The following CNTNAP2 variants were observed in gnomAD, a reference collection of about 807,000 sequenced individuals.
The protein encoded by CNTNAP2 is contactin associated protein 2, also known as contactin-associated protein-like 2.
A neutral mutation model predicts 155.2 loss-of-function variants in CNTNAP2; 98 were observed. The ratio of observed to expected loss-of-function variants is 0.63; its 90% CI spans 0.54 to 0.75. The LOEUF (loss-of-function observed/expected upper bound fraction) is 0.75, where lower values mean the gene tolerates loss of function less well. CNTNAP2 is among the 30% of genes least tolerant of loss of function. The probability of loss-of-function intolerance (pLI) is 0.00; values close to 1 mark genes in which losing one functional copy is unlikely to be tolerated. For synonymous variants in CNTNAP2, 651 were observed against 631.2 expected (o/e 1.03, Z -0.47); for missense variants, 1,727 against 1,688.1 (o/e 1.02, Z -0.40).
intron 1 of CNTNAP2, among the ~76,000 whole-genome samples, chr7:146,337,530 C>T (rs1801297870): frequency 6.6e-6 from 1 of 152,350 alleles, no homozygotes; most frequent in South Asian, 2.1e-4. Context: ...ATGAACACAG[C>T]TCACTGCAAC....
At chr7:146,773,649 C>A (rs1290145736) in intron 1 of CNTNAP2, among the ~76,000 whole-genome samples, 2 of 152,324 alleles carry the variant, frequency 1.3e-5, no homozygotes, top group African/African-American at 2.4e-5. Flanking sequence ...CCGCCTTGGC[C>A]TCCCAAAGTG....
At chr7:147,721,311 T>C (rs1314603145) in intron 13 of CNTNAP2, among the ~76,000 whole-genome samples, 2 of 152,112 alleles carry the variant, frequency 1.3e-5, no homozygotes, top group Non-Finnish European at 2.9e-5. Context: ...GTTTTTGGTT[T>C]TGGACTTGGT....
intron 3 of CNTNAP2, among the ~76,000 whole-genome samples, chr7:146,891,017 G>C (rs1231961840): frequency 6.6e-6 from 1 of 152,124 alleles, no homozygotes; most frequent in Admixed American, 6.6e-5. Flanking sequence ...ATTGGATAAT[G>C]AAAATGTGAT....
intron 3 of CNTNAP2, among the ~76,000 whole-genome samples, chr7:147,010,463 T>C (rs1203612123): frequency 1.3e-5 from 2 of 152,144 alleles, no homozygotes; most frequent in African/African-American, 4.8e-5. Flanking sequence ...GACACGTATA[T>C]ATGAATCTAA....
intron 8 of CNTNAP2, among the ~76,000 whole-genome samples, chr7:147,182,763 G>A (rs1328510294): frequency 1.3e-5 from 2 of 151,822 alleles, no homozygotes; most frequent in Non-Finnish European, 2.9e-5. Context: ...AATTTAATAA[G>A]CCATTTTACT....
At chr7:148,375,670 A>T (rs765444027) in intron 21 of CNTNAP2, among the ~76,000 whole-genome samples, 1 of 151,662 alleles carries the variant, frequency 6.6e-6, no homozygotes, top group South Asian at 2.1e-4. Flanking sequence ...TTACAACTAT[A>T]TTCTAAGATT....
At chr7:147,685,284 T>C (rs1370137044) in intron 13 of CNTNAP2, among the ~76,000 whole-genome samples, 3 of 152,010 alleles carry the variant, frequency 2.0e-5, no homozygotes, top group Non-Finnish European at 4.4e-5. Flanking sequence ...AGAATATCCT[T>C]TGAATTCTAA....
chr7:147,928,121 CT>C (rs1469456892), intron 14 of CNTNAP2, among the ~76,000 whole-genome samples: 3 of 152,150 alleles, frequency 2.0e-5, no homozygotes, highest in South Asian at 4.1e-4. Flanking sequence ...TCTATCTTGC[CT>C]GCCACCATGT....
intron 11 of CNTNAP2, among the ~76,000 whole-genome samples, chr7:147,508,704 G>A (rs190556906): frequency 2.2e-4 from 34 of 152,236 alleles, no homozygotes; most frequent in Middle Eastern, 3.4e-3. Context: ...AGATTTTCCC[G>A]TGCTGTTCTC....
At chr7:146,494,743 C>T (rs1440419063) in intron 1 of CNTNAP2, among the ~76,000 whole-genome samples, 3 of 152,150 alleles carry the variant, frequency 2.0e-5, no homozygotes, top group East Asian at 3.8e-4. Flanking sequence ...ATTTTTCTCA[C>T]TTTATATTTA....
intron 2 of CNTNAP2, among the ~76,000 whole-genome samples, chr7:146,791,605 T>C (rs959433327): frequency 2.0e-5 from 3 of 152,208 alleles, no homozygotes; most frequent in African/African-American, 7.2e-5. Flanking sequence ...AGATAAAGAA[T>C]GCTGATGCTT....
intron 1 of CNTNAP2, among the ~76,000 whole-genome samples, chr7:146,414,612 T>G (rs1309406127): frequency 6.6e-6 from 1 of 152,084 alleles, no homozygotes; most frequent in African/African-American, 2.4e-5. Flanking sequence ...TATTTCGAGT[T>G]CCTACTCCTA....
At chr7:146,604,377 C>T (rs1433354886) in intron 1 of CNTNAP2, among the ~76,000 whole-genome samples, 49 of 131,086 alleles carry the variant, frequency 3.7e-4, no homozygotes, top group African/African-American at 8.4e-4. Context: ...CTATGAGATA[C>T]CATCTCACAG....
chr7:147,031,694 G>A (rs190717118), intron 3 of CNTNAP2, among the ~76,000 whole-genome samples: 12 of 152,376 alleles, frequency 7.9e-5, no homozygotes, highest in Admixed American at 5.9e-4. Context: ...AAGCTGGGCA[G>A]ATCACTTGAG....
At chr7:147,469,254 C>G (rs1798170592) in intron 10 of CNTNAP2, among the ~76,000 whole-genome samples, 1 of 152,138 alleles carries the variant, frequency 6.6e-6, no homozygotes, top group Admixed American at 6.5e-5. Flanking sequence ...AATTCCGTGT[C>G]CGTTCTGTAA....
At chr7:146,654,756 T>C (rs897087335) in intron 1 of CNTNAP2, among the ~76,000 whole-genome samples, 1 of 151,912 alleles carries the variant, frequency 6.6e-6, no homozygotes, top group African/African-American at 2.4e-5. Context: ...TAGAAACAGT[T>C]ATTTTAGGGA....
chr7:146,276,093 T>G (rs531737852), intron 1 of CNTNAP2, among the ~76,000 whole-genome samples: 1 of 152,304 alleles, frequency 6.6e-6, no homozygotes, highest in African/African-American at 2.4e-5. Context: ...TCCTAGAGAC[T>G]AGTACGTGAA....
intron 8 of CNTNAP2, among the ~76,000 whole-genome samples, chr7:147,226,535 C>CA (rs11433100): frequency 0.31 from 44,901 of 146,650 alleles, 7,638 homozygotes; most frequent in East Asian, 0.76. Context: ...GAAAAGAAGC[C>CA]AAAAAAAAAA....
intron 1 of CNTNAP2, among the ~76,000 whole-genome samples, chr7:146,424,125 A>T (rs1160139747): frequency 3.3e-5 from 5 of 152,144 alleles, no homozygotes; most frequent in Non-Finnish European, 7.3e-5. Flanking sequence ...GAAGACATTC[A>T]ATGTGAAAAT....
Sources: gnomAD v4.1 joint callset for allele counts (sites outside exome capture counted in the v4.1 genomes callset) on GRCh38, gnomAD v4.1.1 for gene constraint, MANE v1.5 for transcripts, NCBI Gene and HGNC (gene_info 2026-07-23, HGNC 2026-07-21) for gene names.